Variants in PACC1 observed in about 807,000 individuals in gnomAD.
The protein encoded by PACC1 is proton-activated chloride channel.
Under a neutral mutation model 39.7 loss-of-function variants are expected in PACC1, and 34 were observed. The observed-to-expected ratio is 0.86, with a 90% confidence interval of 0.65 to 1.14. PACC1 has a LOEUF of 1.14. Among genes scored for constraint, PACC1 ranks in the 50% most tolerant of loss-of-function variants. The probability of loss-of-function intolerance (pLI) is 0.00; values close to 1 mark genes in which losing one functional copy is unlikely to be tolerated. For synonymous variants in PACC1, 127 were observed against 160.6 expected, an observed-to-expected ratio of 0.79 and a Z score of 1.58; for missense variants, 379 against 436.4, an observed-to-expected ratio of 0.87 and a Z score of 1.17.
At chr1:212,370,773 T>C (rs1366356341) in intron 7 of PACC1, among the ~76,000 whole-genome samples, 1 of 152,128 alleles carries the variant, frequency 6.6e-6, no homozygotes, top group Non-Finnish European at 1.5e-5. Context: ...TACCAAAGCC[T>C]ATGAGATACA....
chr1:212,406,554 G>A (rs188795317), intron 2 of PACC1, among the ~76,000 whole-genome samples: 55 of 152,140 alleles, frequency 3.6e-4, no homozygotes, highest in African/African-American at 1.1e-3. Context: ...TGAGCTCTGA[G>A]AGTTGTGTAT....
intron 1 of PACC1, 45 bp downstream of exon 1, chr1:212,414,677 G>A (rs778531664): frequency 1.2e-6 from 2 of 1,610,846 alleles, no homozygotes; most frequent in African/African-American, 2.7e-5. Context: ...CCGGGACCCT[G>A]CTCCTCCGCC....
Position 212,408,063 on chromosome 1 carries a change from G to A in PACC1, c.133+2362C>T, listed in dbSNP as rs1415773949. ...CACTCCAGCCTGGGTGACAGAGTGAGACTCCATCTCAAAAAAAAAAAAAAA... is the reference window on the plus strand; with the variant it reads ...CACTCCAGCCTGGGTGACAGAGTGAAACTCCATCTCAAAAAAAAAAAAAAA... On this transcript the variant is annotated intron_variant, in intron 2 of 7. Coordinates refer to ENST00000261455, the MANE Select transcript of PACC1 (RefSeq NM_018252.3). 1.1e-4 allele frequency among the ~76,000 whole-genome samples: 15 copies of A among 142,046 alleles called. No homozygotes were observed. The Admixed American group carries it at 1.1e-3, about 11-fold the overall frequency. The allele number at this position is 142,046 out of a possible 152,430, so 93.2% of individuals were successfully genotyped here.
intron 7 of PACC1, among the ~76,000 whole-genome samples, chr1:212,371,854 G>A (rs921738119): frequency 7.9e-5 from 12 of 152,196 alleles, no homozygotes; most frequent in African/African-American, 2.9e-4. Context: ...CCATCTCAGA[G>A]ATGCAAGGAT....
chr1:212,414,286 G>A (rs1036083024), intron 1 of PACC1, among the ~76,000 whole-genome samples: 14 of 152,210 alleles, frequency 9.2e-5, no homozygotes, highest in Admixed American at 9.2e-4. Context: ...GGAGGGGGAG[G>A]ATGCCGACGA....
intron 6 of PACC1, 81 bp from the exon 7 acceptor site, chr1:212,375,381 A>G (rs72754324): frequency 0.02 from 19,854 of 984,296 alleles, 276 homozygotes; most frequent in African/African-American, 0.026. Context: ...GAGAGAGAGT[A>G]GGCAGGGGAT....
chr1:212,378,085 CTG>C (rs1398369640), intron 5 of PACC1, among the ~76,000 whole-genome samples: 1 of 152,194 alleles, frequency 6.6e-6, no homozygotes, highest in Non-Finnish European at 1.5e-5. Flanking sequence ...TCAGAGAACT[CTG>C]GACTTCAGCA....
At chr1:212,393,177 T>C (rs970361526) in intron 2 of PACC1, among the ~76,000 whole-genome samples, 20 of 152,264 alleles carry the variant, frequency 1.3e-4, no homozygotes, top group African/African-American at 4.6e-4. Flanking sequence ...ATTGACCACA[T>C]AGTTGGAAGT....
chr1:212,376,999 T>C (rs1660689157), intron 6 of PACC1: 1 of 151,774 alleles, frequency 6.6e-6, no homozygotes, highest in African/African-American at 2.4e-5. Context: ...AATAATAGTA[T>C]GTTATATCAC....
intron 2 of PACC1, among the ~76,000 whole-genome samples, chr1:212,387,347 CAAAAGAA>C: frequency 6.7e-6 from 1 of 150,172 alleles, no homozygotes; most frequent in Non-Finnish European, 1.5e-5. Flanking sequence ...AGTTTACTCT[CAAAAGAA>C]AAAAGATAAA....
At chr1:212,388,054 C>CAA (rs57874166) in intron 2 of PACC1, among the ~76,000 whole-genome samples, 68 of 100,562 alleles carry the variant, frequency 6.8e-4, no homozygotes, top group Admixed American at 1.1e-3. Context: ...AACTCCATCT[C>CAA]AAAAAAAAAA....
chr1:212,400,052 G>A (rs1661661462), intron 2 of PACC1, among the ~76,000 whole-genome samples: 1 of 151,812 alleles, frequency 6.6e-6, no homozygotes, highest in South Asian at 2.1e-4. Flanking sequence ...CACCATGTTA[G>A]CCAGGCTGGT....
intron 2 of PACC1, among the ~76,000 whole-genome samples, chr1:212,391,964 T>C (rs1255786800): frequency 6.6e-6 from 1 of 152,148 alleles, no homozygotes. Flanking sequence ...AATCTACGTC[T>C]GATTGGTGTA....
At position 212,379,986 on chromosome 1, in the gene PACC1, C is replaced by T. The variant is rs1271475463; in HGVS notation, c.547G>A (p.Val183Ile). 1.2e-6 allele frequency: 2 copies of T among 1,614,190 alleles called. No individual in the cohort carries two copies. Among genetic ancestry groups the T allele is most frequent in the Admixed American group, 1.7e-5 (1 of 60,018 alleles). ...GPREVKKRELVFLQFRLNKSS... is the reference protein window; with the variant it reads ...GPREVKKRELIFLQFRLNKSS... ...TTGTTCAGGCGGAACTGGAGGAAGA[C>T]CAGCTCCCGCTTTTTCACTTCCCGG... Residue 183 changes from valine (V) to isoleucine (I), a missense_variant, in exon 5 of 8, where the codon GTC becomes ATC. By Grantham distance (29) the Val-to-Ile change is conservative. Coordinates refer to ENST00000261455, the MANE Select transcript of PACC1 (RefSeq NM_018252.3).
At chr1:212,389,776 G>A (rs1343933739) in intron 2 of PACC1, among the ~76,000 whole-genome samples, 1 of 152,112 alleles carries the variant, frequency 6.6e-6, no homozygotes, top group Non-Finnish European at 1.5e-5. Context: ...TGGTGGTGAT[G>A]GTTGCACAGC....
At chr1:212,390,559 G>A (rs1661277088) in intron 2 of PACC1, among the ~76,000 whole-genome samples, 1 of 151,940 alleles carries the variant, frequency 6.6e-6, no homozygotes, top group Non-Finnish European at 1.5e-5. Flanking sequence ...CTGAGGTACT[G>A]GGTTCGTATC....
At chr1:212,383,592 T>C (rs1416880406) in intron 4 of PACC1, among the ~76,000 whole-genome samples, 1 of 152,368 alleles carries the variant, frequency 6.6e-6, no homozygotes, top group East Asian at 1.9e-4. Context: ...GTCATTGGTT[T>C]CATGCAAATG....
At chr1:212,387,247 A>C in intron 2 of PACC1, 147 bp from the exon 3 acceptor site, 1 of 683,650 alleles carries the variant, frequency 1.5e-6, no homozygotes, top group Non-Finnish European at 2.5e-6. Flanking sequence ...CACAAATCAT[A>C]ACAAAGGGCA....
Position 212,395,259 on chromosome 1 carries a change from A to C in PACC1, c.134-8159T>G, listed in dbSNP as rs1661470001. On this transcript the variant is annotated intron_variant, in intron 2 of 7. Transcript: ENST00000261455. ...CAGAGATATAGACCAATGGAACAGA[A>C]CAGAGCCCTCAGAAATAATACCGCA... 3.3e-5 allele frequency among the ~76,000 whole-genome samples: 5 copies of C among 152,336 alleles called. No individual in the cohort carries two copies. The South Asian group carries it at 1.0e-3, about 32-fold the overall frequency.
Sources: gnomAD v4.1 joint callset for allele counts (sites outside exome capture counted in the v4.1 genomes callset) on GRCh38, gnomAD v4.1.1 for gene constraint, MANE v1.5 for transcripts, NCBI Gene and HGNC (gene_info 2026-07-23, HGNC 2026-07-21) for gene names.